PLCL2: variants seen among roughly 807,000 people sequenced by gnomAD.
PLCL2 encodes the protein inactive phospholipase C-like protein 2.
PLCL2 carries 4 observed loss-of-function variants against 79.6 expected under a neutral mutation model. That is an observed-to-expected ratio of 0.05 (90% CI 0.02 to 0.11). The LOEUF is 0.11. Ranked by LOEUF, PLCL2 falls within the 10% of genes least tolerant of loss-of-function variation. The pLI is 1.00. For synonymous variants in PLCL2, 484 were observed against 457.7 expected, an observed-to-expected ratio of 1.06 and a Z score of -0.73; for missense variants, 895 against 1,291.0, an observed-to-expected ratio of 0.69 and a Z score of 4.70.
At chr3:17,037,882 TA>T (rs2064674119) in intron 3 of PLCL2, among the ~76,000 whole-genome samples, 1 of 152,016 alleles carries the variant, frequency 6.6e-6, no homozygotes, top group East Asian at 1.9e-4. Context: ...CAAAACAGAA[TA>T]TGAAGGAGCA....
intron 3 of PLCL2, chr3:17,035,855 G>A: frequency 2.0e-6 from 1 of 493,104 alleles, no homozygotes; most frequent in Non-Finnish European, 4.0e-6. Flanking sequence ...CTGCAGCGGG[G>A]TCCTGTGTGT....
At chr3:17,024,244 A>C (rs1273219062) in intron 3 of PLCL2, among the ~76,000 whole-genome samples, 2 of 152,180 alleles carry the variant, frequency 1.3e-5, no homozygotes, top group African/African-American at 4.8e-5. Context: ...GAAAAGTGGC[A>C]TCCCTTTGGT....
Position 17,061,448 on chromosome 3 carries a change from C to G in PLCL2, c.3095-6508C>G, listed in dbSNP as rs372241150. Among the ~76,000 whole-genome samples the G allele has an allele frequency of 4.6e-5, 7 of 152,158 alleles. No individual in the cohort carries two copies. The East Asian group carries it at 9.6e-4, about 21-fold the overall frequency. ...ATGTTCTGAGTTAATTTAATTATGC[C>G]ATCTTGAAATTTTTGCACCCATTTA... On this transcript the variant is annotated intron_variant, in intron 4 of 5. Coordinates refer to ENST00000615277, the MANE Select transcript of PLCL2 (RefSeq NM_001144382.2).
At chr3:16,981,276 C>T (rs1020330662) in intron 1 of PLCL2, among the ~76,000 whole-genome samples, 1 of 152,122 alleles carries the variant, frequency 6.6e-6, no homozygotes, top group Non-Finnish European at 1.5e-5. Context: ...AGTACATTTT[C>T]CCCCAGGTTA....
intron 1 of PLCL2, among the ~76,000 whole-genome samples, chr3:16,958,900 G>T (rs1350124670): frequency 1.3e-5 from 2 of 152,200 alleles, no homozygotes; most frequent in Non-Finnish European, 1.5e-5. Context: ...TATGACTGTT[G>T]TAGACCTTTC....
At chr3:17,071,135 T>C (rs1056844953) in intron 5 of PLCL2, among the ~76,000 whole-genome samples, 1 of 152,070 alleles carries the variant, frequency 6.6e-6, no homozygotes, top group African/African-American at 2.4e-5. Context: ...ACCATAGTCA[T>C]TTGAACCATA....
intron 3 of PLCL2, among the ~76,000 whole-genome samples, chr3:17,015,651 T>G (rs1174670444): frequency 6.6e-6 from 1 of 150,794 alleles, no homozygotes; most frequent in Admixed American, 6.5e-5. Context: ...CCCTCCCAGA[T>G]GGGCCAGTCT....
intron 3 of PLCL2, among the ~76,000 whole-genome samples, chr3:17,018,360 G>A (rs1022746426): frequency 6.6e-6 from 1 of 152,142 alleles, no homozygotes; most frequent in Non-Finnish European, 1.5e-5. Context: ...GCAAATGGAG[G>A]CTTACAGGGC....
In PLCL2 at chr3:16,890,127, A is replaced by G. The variant is rs1240589276; in HGVS notation, c.327+4761A>G. 3.3e-5 allele frequency among the ~76,000 whole-genome samples: 5 copies of G among 152,200 alleles called. No homozygotes were observed. In the South Asian group the frequency reaches 8.3e-4, roughly 25 times the overall value. On this transcript the variant is annotated intron_variant, in intron 1 of 5. Transcript: ENST00000615277. Reference sequence around the variant, plus strand: ...TGGTTGCTTGTTTTAGCCTGCTCAAAGAGCTTTTGTCACAATTCAGTTTAG... The same window carrying G: ...TGGTTGCTTGTTTTAGCCTGCTCAAGGAGCTTTTGTCACAATTCAGTTTAG...
intron 5 of PLCL2, chr3:17,081,228 C>T (rs1559291290): frequency 4.4e-6 from 2 of 456,764 alleles, no homozygotes; most frequent in East Asian, 1.4e-4. Context: ...GTGCCTCAGA[C>T]TCCCATAATG....
chr3:17,069,483 C>T (rs1028558099), intron 5 of PLCL2, among the ~76,000 whole-genome samples: 2 of 152,136 alleles, frequency 1.3e-5, no homozygotes, highest in African/African-American at 4.8e-5. Flanking sequence ...TGAACAGCCT[C>T]ATCTTTGGGA....
chr3:16,983,539 C>T (rs1248456562), intron 1 of PLCL2, among the ~76,000 whole-genome samples: 1 of 151,992 alleles, frequency 6.6e-6, no homozygotes, highest in African/African-American at 2.4e-5. Flanking sequence ...GCGTGGTGGC[C>T]GGCACCTGTA....
At chr3:16,988,687 T>G (rs1474699570) in intron 1 of PLCL2, among the ~76,000 whole-genome samples, 1 of 152,160 alleles carries the variant, frequency 6.6e-6, no homozygotes, top group African/African-American at 2.4e-5. Flanking sequence ...CAAATTATTT[T>G]TAAGTGGTTA....
intron 1 of PLCL2, among the ~76,000 whole-genome samples, chr3:16,943,552 G>A (rs1163183719): frequency 2.0e-5 from 3 of 152,112 alleles, no homozygotes; most frequent in Non-Finnish European, 4.4e-5. Context: ...CTGCAGAAAG[G>A]CTTATAAAAG....
intron 1 of PLCL2, among the ~76,000 whole-genome samples, chr3:16,910,534 C>T (rs1001980264): frequency 2.0e-5 from 3 of 152,088 alleles, no homozygotes; most frequent in Non-Finnish European, 2.9e-5. Flanking sequence ...TGCTTCTCTT[C>T]TGTTTGCTTG....
intron 1 of PLCL2, among the ~76,000 whole-genome samples, chr3:16,988,326 G>A (rs1048629666): frequency 6.6e-6 from 1 of 152,140 alleles, no homozygotes; most frequent in African/African-American, 2.4e-5. Flanking sequence ...AGGAAAGAGC[G>A]CTTTAAGCAC....
intron 4 of PLCL2, among the ~76,000 whole-genome samples, chr3:17,047,984 C>T (rs2064798697): frequency 1.3e-5 from 2 of 152,084 alleles, no homozygotes; most frequent in South Asian, 4.1e-4. Flanking sequence ...AGCGATTTAT[C>T]TTACATAAAA....
At chr3:17,079,938 C>T (rs1351314549) in intron 5 of PLCL2, among the ~76,000 whole-genome samples, 2 of 152,152 alleles carry the variant, frequency 1.3e-5, no homozygotes, top group Non-Finnish European at 2.9e-5. Flanking sequence ...ACAGAAACAT[C>T]TCTTTGGATC....
At chr3:17,077,904 T>C (rs961989656) in intron 5 of PLCL2, among the ~76,000 whole-genome samples, 2 of 152,196 alleles carry the variant, frequency 1.3e-5, no homozygotes, top group African/African-American at 4.8e-5. Flanking sequence ...ACAGGGGTCT[T>C]TCTGCTTATC....
Sources: allele counts gnomAD v4.1 joint callset (sites outside exome capture counted in the v4.1 genomes callset), GRCh38; gene constraint gnomAD v4.1.1; transcripts MANE v1.5; gene names NCBI Gene and HGNC (gene_info 2026-07-23, HGNC 2026-07-21).